The following ZNF680 variants were observed in gnomAD, a reference collection of about 807,000 sequenced individuals.
The protein encoded by ZNF680 is hypothetical protein FLJ90430.
Under a neutral mutation model 12.1 loss-of-function variants are expected in ZNF680, and 6 were observed. The ratio of observed to expected loss-of-function variants is 0.49; its 90% CI spans 0.27 to 0.98. The LOEUF (loss-of-function observed/expected upper bound fraction) is 0.98, where lower values mean the gene tolerates loss of function less well. Ranked by LOEUF, ZNF680 falls within the 50% of genes least tolerant of loss-of-function variation. The probability of loss-of-function intolerance (pLI) is 0.12; values close to 1 mark genes in which losing one functional copy is unlikely to be tolerated. For missense variants in ZNF680, 561 were observed against 616.3 expected (o/e 0.91, Z 0.95); for synonymous variants, 170 against 199.3 (o/e 0.85, Z 1.24).
the ZNF680 span, among the ~76,000 whole-genome samples, chr7:64,505,670 TTG>T: frequency 7.2e-5 from 11 of 152,284 alleles, no homozygotes; most frequent in East Asian, 2.1e-3. Context: ...TTCATCCAGG[TTG>T]TTTCTTCCTC....
chr7:64,522,958 A>G (rs1791625257), intron 3 of ZNF680, among the ~76,000 whole-genome samples: 1 of 152,074 alleles, frequency 6.6e-6, no homozygotes, highest in Non-Finnish European at 1.5e-5. Flanking sequence ...AACTTCCAAA[A>G]TAACCAAATT....
At chr7:64,549,727 T>C (rs1786970891) in intron 1 of ZNF680, among the ~76,000 whole-genome samples, 1 of 151,388 alleles carries the variant, frequency 6.6e-6, no homozygotes. Context: ...ACACCTGTAA[T>C]CCCAGCACTT....
At chr7:64,510,021 TC>T in the ZNF680 span, among the ~76,000 whole-genome samples, 6 of 91,972 alleles carry the variant, frequency 6.5e-5, no homozygotes, top group East Asian at 2.3e-3. Flanking sequence ...ACCGTAAAAC[TC>T]TAAAAAAAAA....
At chr7:64,540,910 A>T (rs1457457280) in intron 3 of ZNF680, among the ~76,000 whole-genome samples, 2 of 152,130 alleles carry the variant, frequency 1.3e-5, no homozygotes, top group African/African-American at 4.8e-5. Context: ...TCAGGAAAAA[A>T]ACAGTATAAT....
chr7:64,559,732 T>C (rs906411103), intron 1 of ZNF680, among the ~76,000 whole-genome samples: 1 of 152,214 alleles, frequency 6.6e-6, no homozygotes, highest in African/African-American at 2.4e-5. Context: ...TCCACCCACC[T>C]TGGCCTCCCA....
At chr7:64,513,721 C>A in the ZNF680 span, among the ~76,000 whole-genome samples, 4 of 152,030 alleles carry the variant, frequency 2.6e-5, no homozygotes, top group Non-Finnish European at 4.4e-5. Context: ...TCTCAGCTCA[C>A]TGCAACCTCT....
At chr7:64,516,024 G>C (rs1292650342), downstream of ZNF680, among the ~76,000 whole-genome samples, 2 of 152,088 alleles carry the variant, frequency 1.3e-5, no homozygotes, top group African/African-American at 4.8e-5. Context: ...ATTAGTCCCA[G>C]GCCAAGCTAA....
In ZNF680 at chr7:64,543,762, C is replaced by A; in HGVS notation, c.198G>T (p.Glu66Asp). ...TCCTATTCCAGGGCTCTTTTCCTTGCTCCAAACAGGTTATCAGGTGAGGCT... is the reference window on the plus strand; with the variant it reads ...TCCTATTCCAGGGCTCTTTTCCTTGATCCAAACAGGTTATCAGGTGAGGCT... The part of the protein sequence containing the change: ...VSKPHLITCL[E>D]QGKEPWNRKR... The change falls in exon 3 of 4, where the codon GAG (glutamate) becomes GAT (aspartate). Residue 66 changes from glutamate to aspartate, a missense_variant. Physicochemically the swap from Glu to Asp is conservative, Grantham distance 45. Coordinates refer to ENST00000309683, the MANE Select transcript of ZNF680 (RefSeq NM_178558.5). The A allele has an allele frequency of 6.2e-7, 1 of 1,613,636 alleles. No homozygotes were observed.
the ZNF680 span, chr7:64,501,209 G>A: frequency 1.1e-4 from 99 of 866,584 alleles, no homozygotes; most frequent in African/African-American, 1.3e-3. Flanking sequence ...GACTTTCAAC[G>A]GGATTATTGT....
At chr7:64,516,105 A>G (rs1791349331), downstream of ZNF680, among the ~76,000 whole-genome samples, 1 of 152,180 alleles carries the variant, frequency 6.6e-6, no homozygotes, top group Non-Finnish European at 1.5e-5. Flanking sequence ...AATAACCCTG[A>G]ACCCCAGCCT....
At chr7:64,501,174 C>T in the ZNF680 span, 6 of 866,296 alleles carry the variant, frequency 6.9e-6, no homozygotes, top group South Asian at 6.8e-5. Context: ...CGCCTCTATT[C>T]AGCTCCTCTC....
rs1243974261 is a variant in ZNF680, at chr7:64,521,561, C to CTCA, written c.1190_1192dup (p.Met397dup). ...GTAGGGTTTCTCTCCAGTATGAATT[C>CTCA]TCATATGTTCAGTAAGGTTTGAGGA... On this transcript the variant is annotated inframe_insertion, in exon 4 of 4. Coordinates refer to ENST00000309683, the MANE Select transcript of ZNF680 (RefSeq NM_178558.5). 1.2e-6 allele frequency: 2 copies of CTCA among 1,611,062 alleles called. No homozygotes were observed. Among genetic ancestry groups the CTCA allele is most frequent in the African/African-American group, 1.3e-5 (1 of 74,286 alleles).
chr7:64,501,026 GAAGA>G, the ZNF680 span: 4 of 711,536 alleles, frequency 5.6e-6, no homozygotes, highest in Non-Finnish European at 1.0e-5. Context: ...GGCTGCTGTA[GAAGA>G]GAGAAGGGCA....
rs948532677 is a variant in ZNF680, at chr7:64,521,076, G to T, written c.*85C>A. 2 of 1,374,562 alleles carry T rather than the reference G, an allele frequency of 1.5e-6. No homozygotes were observed. The highest frequency in any genetic ancestry group is 2.3e-5 in the Admixed American group (1 of 43,958). 85.1% of individuals were successfully genotyped at this position (1,374,562 alleles called of 1,614,324 possible). A position where few individuals can be genotyped will look rare whatever the true frequency, so the allele number is the denominator to read the frequency against. ...TAAATTATCTTACCTACAAGCAAGTGTAACAATCATTGGAAGGCTTTGTCA... is the reference window on the plus strand; with the variant it reads ...TAAATTATCTTACCTACAAGCAAGTTTAACAATCATTGGAAGGCTTTGTCA... On this transcript the variant is annotated 3_prime_UTR_variant, in exon 4 of 4. Transcript: ENST00000309683.
chr7:64,540,303 CTTTTTTTT>C (rs61265238), intron 3 of ZNF680, among the ~76,000 whole-genome samples: 29,390 of 129,312 alleles, frequency 0.23, 3,269 homozygotes, highest in South Asian at 0.31. Flanking sequence ...CTGATTTATC[CTTTTTTTT>C]TTTTTTTTTT....
intron 1 of ZNF680, among the ~76,000 whole-genome samples, chr7:64,545,575 A>G (rs905061264): frequency 2.0e-5 from 3 of 152,232 alleles, no homozygotes; most frequent in Non-Finnish European, 4.4e-5. Flanking sequence ...CTGCTGGAAG[A>G]CTGCCCCCAA....
At chr7:64,526,202 A>G (rs1749157120) in intron 3 of ZNF680, 1 of 985,200 alleles carries the variant, frequency 1.0e-6, no homozygotes, top group Non-Finnish European at 1.2e-6. Context: ...GAATGTAGGG[A>G]AAAAGTAATG....
chr7:64,509,983 T>C, the ZNF680 span, among the ~76,000 whole-genome samples: 7 of 147,478 alleles, frequency 4.7e-5, no homozygotes, highest in Admixed American at 2.1e-4. Context: ...TCCCCTCAAG[T>C]GTATTCTAAA....
chr7:64,553,518 C>T (rs1787196038), intron 1 of ZNF680, among the ~76,000 whole-genome samples: 1 of 152,152 alleles, frequency 6.6e-6, no homozygotes, highest in Admixed American at 6.5e-5. Context: ...CAAGGAGTGG[C>T]CTTGGGCACA....
Sources: gnomAD v4.1 joint callset for allele counts (sites outside exome capture counted in the v4.1 genomes callset) on GRCh38, gnomAD v4.1.1 for gene constraint, MANE v1.5 for transcripts, NCBI Gene and HGNC (gene_info 2026-07-23, HGNC 2026-07-21) for gene names.